SORCS3: variants seen among roughly 807,000 people sequenced by gnomAD.
SORCS3 encodes VPS10 domain-containing receptor SorCS3.
In SORCS3, 57 loss-of-function variants were observed where a neutral mutation model predicts 146.3. The ratio of observed to expected loss-of-function variants is 0.39; its 90% CI spans 0.31 to 0.49. The LOEUF (loss-of-function observed/expected upper bound fraction) is 0.49. SORCS3 is among the 20% of genes least tolerant of loss of function. The pLI is 0.92. For missense variants in SORCS3, 1,341 were observed against 1,575.5 expected (o/e 0.85, Z 2.52); for synonymous variants, 653 against 618.5 (o/e 1.06, Z -0.83).
At chr10:104,740,814 G>A (rs1322772285) in intron 1 of SORCS3, among the ~76,000 whole-genome samples, 1 of 151,946 alleles carries the variant, frequency 6.6e-6, no homozygotes, top group East Asian at 1.9e-4. Flanking sequence ...GGGATTTGAG[G>A]GCTTAATTTT....
chr10:104,809,241 A>G (rs2017714101), intron 1 of SORCS3, among the ~76,000 whole-genome samples: 2 of 152,192 alleles, frequency 1.3e-5, no homozygotes, highest in African/African-American at 2.4e-5. Flanking sequence ...GTGAGTTGGC[A>G]ATTTTGGCTG....
At chr10:104,830,021 T>C (rs1014846923) in intron 1 of SORCS3, among the ~76,000 whole-genome samples, 9 of 152,148 alleles carry the variant, frequency 5.9e-5, no homozygotes, top group Non-Finnish European at 1.3e-4. Flanking sequence ...CCACATGTAT[T>C]AGGTATTCGT....
At chr10:105,008,473 A>G (rs1402556848) in intron 4 of SORCS3, among the ~76,000 whole-genome samples, 2 of 152,152 alleles carry the variant, frequency 1.3e-5, no homozygotes, top group African/African-American at 4.8e-5. Context: ...TGTGGCTTTA[A>G]GCTGTCGTTT....
At chr10:104,860,715 T>C (rs2018391915) in intron 2 of SORCS3, among the ~76,000 whole-genome samples, 1 of 152,130 alleles carries the variant, frequency 6.6e-6, no homozygotes, top group African/African-American at 2.4e-5. Context: ...ATAAACCAGG[T>C]AAAAATAGGT....
intron 2 of SORCS3, among the ~76,000 whole-genome samples, chr10:104,894,393 C>T (rs879483600): frequency 2.0e-5 from 3 of 152,132 alleles, no homozygotes; most frequent in Non-Finnish European, 4.4e-5. Context: ...GTGTTGAATA[C>T]CAGAGTTATA....
chr10:104,927,125 G>A (rs2019156798), intron 3 of SORCS3, among the ~76,000 whole-genome samples: 1 of 152,128 alleles, frequency 6.6e-6, no homozygotes, highest in Non-Finnish European at 1.5e-5. Context: ...GTGTATATGT[G>A]CATCTAGGTG....
chr10:105,152,749 G>T (rs932927193), intron 9 of SORCS3, among the ~76,000 whole-genome samples: 1 of 152,256 alleles, frequency 6.6e-6, no homozygotes, highest in South Asian at 2.1e-4. Context: ...GTTTTGGATT[G>T]CACAGTCGTA....
chr10:105,021,433 T>C (rs948915897), intron 4 of SORCS3, among the ~76,000 whole-genome samples: 3 of 152,286 alleles, frequency 2.0e-5, no homozygotes, highest in African/African-American at 7.2e-5. Context: ...TTCCAACACA[T>C]GTTTTCTGAG....
At chr10:104,719,098 AT>A (rs1564666848) in intron 1 of SORCS3, among the ~76,000 whole-genome samples, 1 of 152,182 alleles carries the variant, frequency 6.6e-6, no homozygotes, top group Admixed American at 6.5e-5. Context: ...TTAATTTTAT[AT>A]ATATTTTTCA....
chr10:105,106,909 A>G (rs937199798), intron 7 of SORCS3, among the ~76,000 whole-genome samples: 1 of 151,998 alleles, frequency 6.6e-6, no homozygotes, highest in African/African-American at 2.4e-5. Flanking sequence ...ACCAGTCACT[A>G]CTCTAGAGTT....
intron 4 of SORCS3, among the ~76,000 whole-genome samples, chr10:104,996,319 T>C (rs1025464215): frequency 4.6e-5 from 7 of 152,208 alleles, no homozygotes; most frequent in African/African-American, 1.4e-4. Context: ...TATTGAGTCT[T>C]CTGATTTGTG....
In SORCS3 at chr10:105,262,506, T is replaced by C; in HGVS notation, c.3604+15T>C. 2 of 1,610,586 alleles carry C rather than the reference T, an allele frequency of 1.2e-6. No individual in the cohort carries two copies. The highest frequency in any genetic ancestry group is 1.7e-6 in the Non-Finnish European group (2 of 1,178,192). ...GCGGGTCATAGGTACATGCTCCTGC[T>C]CCACTAAGCTCCCCTGTTCTGTGTC... On this transcript the variant is annotated intron_variant, in intron 26 of 26. Coordinates refer to ENST00000369701, the MANE Select transcript of SORCS3 (RefSeq NM_014978.3).
intron 1 of SORCS3, among the ~76,000 whole-genome samples, chr10:104,833,006 G>A (rs569299455): frequency 6.6e-6 from 1 of 152,276 alleles, no homozygotes; most frequent in Admixed American, 6.5e-5. Flanking sequence ...GCTCCCAGAT[G>A]GTGGTCATTG....
At chr10:105,042,001 A>G (rs1047520742) in intron 4 of SORCS3, among the ~76,000 whole-genome samples, 1 of 152,354 alleles carries the variant, frequency 6.6e-6, no homozygotes, top group East Asian at 1.9e-4. Flanking sequence ...ACCAAGACTT[A>G]TCTTCTCCAA....
chr10:104,681,310 CG>C (rs1365307154), intron 1 of SORCS3, among the ~76,000 whole-genome samples: 2 of 111,150 alleles, frequency 1.8e-5, no homozygotes, highest in Admixed American at 2.0e-4. Flanking sequence ...AGTCCTTTCC[CG>C]GGCCGACTCC....
chr10:105,190,957 T>A (rs145162109), intron 14 of SORCS3, among the ~76,000 whole-genome samples: 1 of 152,354 alleles, frequency 6.6e-6, no homozygotes, highest in East Asian at 1.9e-4. Flanking sequence ...ACTGCTATTA[T>A]CCTCATTTTG....
chr10:105,119,421 C>A (rs2055915960), intron 7 of SORCS3, among the ~76,000 whole-genome samples: 4 of 152,194 alleles, frequency 2.6e-5, no homozygotes, highest in Admixed American at 2.6e-4. Context: ...CACATAGAGT[C>A]CCTACTGGGG....
chr10:104,826,696 G>A (rs921549925), intron 1 of SORCS3, among the ~76,000 whole-genome samples: 1 of 152,198 alleles, frequency 6.6e-6, no homozygotes, highest in Non-Finnish European at 1.5e-5. Context: ...TGAAGATTGG[G>A]ATGGCTGTGG....
At chr10:104,880,980 AAC>A (rs2018624509) in intron 2 of SORCS3, among the ~76,000 whole-genome samples, 1 of 152,212 alleles carries the variant, frequency 6.6e-6, no homozygotes, top group African/African-American at 2.4e-5. Flanking sequence ...GACTTGTTAA[AAC>A]ATATAATCTC....
Sources: allele counts gnomAD v4.1 joint callset (sites outside exome capture counted in the v4.1 genomes callset), GRCh38; gene constraint gnomAD v4.1.1; transcripts MANE v1.5; gene names NCBI Gene and HGNC (gene_info 2026-07-23, HGNC 2026-07-21).